SCN11A: variants seen among roughly 807,000 people sequenced by gnomAD.
The protein encoded by SCN11A is sodium channel protein type 11 subunit alpha.
SCN11A carries 122 observed loss-of-function variants against 162.2 expected under a neutral mutation model. The ratio of observed to expected loss-of-function variants is 0.75; its 90% CI spans 0.65 to 0.87. The LOEUF is 0.87. Among genes scored for constraint, SCN11A ranks in the 40% least tolerant of loss-of-function variants. The pLI is 0.00. For missense variants in SCN11A, 2,015 were observed against 2,181.6 expected, an observed-to-expected ratio of 0.92 and a Z score of 1.52; for synonymous variants, 758 against 751.5, an observed-to-expected ratio of 1.01 and a Z score of -0.14.
chr3:38,932,652 A>G (rs973031536), intron 7 of SCN11A, among the ~76,000 whole-genome samples: 6 of 152,318 alleles, frequency 3.9e-5, no homozygotes, highest in East Asian at 1.9e-4. Context: ...ACTGCAAGGC[A>G]GCAGGGAGGC....
chr3:38,870,795 A>G (rs2065113798), intron 25 of SCN11A, 51 bp from the exon 26 acceptor site: 3 of 1,514,078 alleles, frequency 2.0e-6, no homozygotes, highest in Middle Eastern at 3.6e-4. Flanking sequence ...ACTTGCCATC[A>G]ACAGATACAT....
chr3:38,925,369 C>T (rs1207411695), intron 9 of SCN11A, 46 bp downstream of exon 9: 2 of 1,248,914 alleles, frequency 1.6e-6, no homozygotes, highest in East Asian at 2.4e-5. Context: ...TATAAATTAA[C>T]ATTCTTTCTA....
intron 2 of SCN11A, among the ~76,000 whole-genome samples, chr3:38,979,329 G>C (rs1575345039): frequency 6.6e-6 from 1 of 152,334 alleles, no homozygotes; most frequent in African/African-American, 2.4e-5. Context: ...CTGTGTTTCT[G>C]ACTTGATTAT....
intron 10 of SCN11A, 130 bp downstream of exon 10, chr3:38,920,946 C>T (rs534433420): frequency 1.2e-6 from 1 of 836,128 alleles, no homozygotes; most frequent in African/African-American, 1.7e-5. Context: ...CACAGGAGCA[C>T]CCTGGATGGA....
intron 7 of SCN11A, among the ~76,000 whole-genome samples, chr3:38,931,799 G>A (rs1353105074): frequency 6.6e-6 from 1 of 152,168 alleles, no homozygotes; most frequent in Non-Finnish European, 1.5e-5. Context: ...GTGATTTTTT[G>A]CCTCTGCGCC....
intron 1 of SCN11A, among the ~76,000 whole-genome samples, chr3:39,039,881 C>T (rs1049876604): frequency 7.9e-5 from 12 of 152,188 alleles, no homozygotes; most frequent in Non-Finnish European, 1.3e-4. Context: ...CACTTAGCAC[C>T]CACTGCTGCC....
chr3:38,855,143 T>C (rs895153889), intron 28 of SCN11A, among the ~76,000 whole-genome samples: 4 of 152,216 alleles, frequency 2.6e-5, no homozygotes, highest in African/African-American at 4.8e-5. Context: ...CTGAGATCCC[T>C]GAGTAGGCTG....
intron 2 of SCN11A, among the ~76,000 whole-genome samples, chr3:39,016,070 G>A (rs1575359867): frequency 6.6e-6 from 1 of 152,178 alleles, no homozygotes; most frequent in Non-Finnish European, 1.5e-5. Context: ...AAACTGATAA[G>A]GGAATGAGAG....
intron 7 of SCN11A, 135 bp downstream of exon 7, chr3:38,945,276 A>G (rs774039552): frequency 1.7e-6 from 1 of 589,206 alleles, no homozygotes; most frequent in Middle Eastern, 3.2e-4. Flanking sequence ...ATAAAGGTCA[A>G]AAATAAAACT....
intron 28 of SCN11A, among the ~76,000 whole-genome samples, chr3:38,856,096 G>C (rs1470688486): frequency 6.6e-6 from 1 of 152,202 alleles, no homozygotes; most frequent in East Asian, 1.9e-4. Flanking sequence ...TCTGCTGGTG[G>C]GTAGTTTCTC....
At chr3:38,916,027 G>C (rs1393643406) in intron 11 of SCN11A, among the ~76,000 whole-genome samples, 3 of 152,150 alleles carry the variant, frequency 2.0e-5, no homozygotes, top group African/African-American at 2.4e-5. Flanking sequence ...AGGTCTTCTT[G>C]TTGAATTGAA....
At chr3:38,980,938 G>A (rs1013547897) in intron 2 of SCN11A, among the ~76,000 whole-genome samples, 2 of 152,166 alleles carry the variant, frequency 1.3e-5, no homozygotes, top group Admixed American at 1.3e-4. Flanking sequence ...AACTTACACA[G>A]AGCCTGAAAT....
At chr3:38,959,175 G>A (rs990329270) in intron 3 of SCN11A, among the ~76,000 whole-genome samples, 40 of 152,256 alleles carry the variant, frequency 2.6e-4, no homozygotes, top group African/African-American at 9.1e-4. Context: ...AAACAAAGGG[G>A]CAAATGCTTT....
intron 28 of SCN11A, among the ~76,000 whole-genome samples, chr3:38,857,217 C>G (rs1446430562): frequency 2.0e-5 from 3 of 151,676 alleles, no homozygotes; most frequent in African/African-American, 7.3e-5. Flanking sequence ...AAGGAGATAC[C>G]AAAGAAAGGT....
intron 4 of SCN11A, among the ~76,000 whole-genome samples, chr3:38,951,471 G>A (rs1019323830): frequency 6.6e-6 from 1 of 152,206 alleles, no homozygotes; most frequent in Non-Finnish European, 1.5e-5. Context: ...GAGCCTCCCC[G>A]ACAAGCACCG....
At chr3:38,883,897 A>G (rs1227440094) in intron 21 of SCN11A, among the ~76,000 whole-genome samples, 1 of 152,188 alleles carries the variant, frequency 6.6e-6, no homozygotes. Flanking sequence ...TCATGTCTGG[A>G]GGACTCCAGG....
chr3:39,022,676 G>A (rs997921473), intron 2 of SCN11A, among the ~76,000 whole-genome samples: 2 of 152,134 alleles, frequency 1.3e-5, no homozygotes, highest in African/African-American at 4.8e-5. Context: ...GAGTCCAGGA[G>A]TTTGAGACCA....
chr3:38,928,142 A>G (rs1422693476), intron 7 of SCN11A, among the ~76,000 whole-genome samples: 2 of 152,226 alleles, frequency 1.3e-5, no homozygotes, highest in Non-Finnish European at 2.9e-5. Context: ...TACACCATAT[A>G]AAAAATTAAC....
intron 3 of SCN11A, among the ~76,000 whole-genome samples, chr3:38,955,187 C>T (rs561927637): frequency 1.3e-5 from 2 of 152,172 alleles, no homozygotes; most frequent in South Asian, 2.1e-4. Flanking sequence ...ACTCAGGAGG[C>T]TGAGGCACAA....
Sources: allele counts gnomAD v4.1 joint callset (sites outside exome capture counted in the v4.1 genomes callset), GRCh38; gene constraint gnomAD v4.1.1; transcripts MANE v1.5; gene names NCBI Gene and HGNC (gene_info 2026-07-23, HGNC 2026-07-21).